Variants in CTXND1 observed in about 807,000 individuals in gnomAD.
CTXND1 encodes the protein cortexin domain containing 1.
chr15:80,245,371 A>G (rs1893617086), intron 1 of CTXND1, among the ~76,000 whole-genome samples: 1 of 152,140 alleles, frequency 6.6e-6, no homozygotes, highest in South Asian at 2.1e-4. Context: ...AATCACTAAC[A>G]ATCATTTATT....
chr15:80,230,075 G>C (rs1374114613), intron 1 of CTXND1, among the ~76,000 whole-genome samples: 2 of 152,190 alleles, frequency 1.3e-5, no homozygotes, highest in East Asian at 3.8e-4. Flanking sequence ...TAAGCTTGGT[G>C]AGTTATTTTC....
At chr15:80,207,035 C>T (rs930927500) in intron 1 of CTXND1, among the ~76,000 whole-genome samples, 7 of 152,208 alleles carry the variant, frequency 4.6e-5, no homozygotes, top group African/African-American at 1.7e-4. Flanking sequence ...CTCTGCCTGC[C>T]TTAAAGATTT....
At chr15:80,213,466 G>A (rs1219604897) in intron 1 of CTXND1, among the ~76,000 whole-genome samples, 2 of 152,144 alleles carry the variant, frequency 1.3e-5, no homozygotes, top group Middle Eastern at 3.2e-3. Context: ...GAGTTGTCTG[G>A]GTGGGCCCTA....
chr15:80,239,850 T>G (rs1258522495), intron 1 of CTXND1, among the ~76,000 whole-genome samples: 2 of 152,208 alleles, frequency 1.3e-5, no homozygotes, highest in Non-Finnish European at 2.9e-5. Context: ...GGTATTTTTA[T>G]CTTGTTTGAC....
intron 2 of CTXND1, among the ~76,000 whole-genome samples, chr15:80,202,701 G>C (rs769310103): frequency 6.6e-6 from 1 of 152,236 alleles, no homozygotes; most frequent in South Asian, 2.1e-4. Context: ...AGGGGCTGCT[G>C]TCATGGAAGA....
At chr15:80,243,250 A>G (rs1893590686) in intron 1 of CTXND1, among the ~76,000 whole-genome samples, 1 of 152,196 alleles carries the variant, frequency 6.6e-6, no homozygotes, top group African/African-American at 2.4e-5. Flanking sequence ...GGTGAACACA[A>G]AGTTACATTC....
At chr15:80,233,377 C>T in intron 1 of CTXND1, among the ~76,000 whole-genome samples, 1 of 152,178 alleles carries the variant, frequency 6.6e-6, no homozygotes, top group East Asian at 1.9e-4. Context: ...AGCACAGTAA[C>T]ATATTTACTC....
chr15:80,212,404 C>T (rs1216162172), intron 1 of CTXND1, among the ~76,000 whole-genome samples: 2 of 152,196 alleles, frequency 1.3e-5, no homozygotes, highest in Non-Finnish European at 2.9e-5. Context: ...CAACAGGAAA[C>T]ATAGTATGTT....
intron 1 of CTXND1, among the ~76,000 whole-genome samples, chr15:80,223,598 G>A (rs1199585521): frequency 6.6e-6 from 1 of 152,124 alleles, no homozygotes; most frequent in Non-Finnish European, 1.5e-5. Context: ...TTGCTGGACT[G>A]TATAGGTGTA....
At chr15:80,251,587 C>G (rs142722351) in intron 1 of CTXND1, among the ~76,000 whole-genome samples, 1 of 152,248 alleles carries the variant, frequency 6.6e-6, no homozygotes. Flanking sequence ...CCCCAAACCC[C>G]TCAATGGCAG....
At chr15:80,222,006 G>A (rs777714827) in intron 1 of CTXND1, among the ~76,000 whole-genome samples, 1 of 152,112 alleles carries the variant, frequency 6.6e-6, no homozygotes, top group Admixed American at 6.6e-5. Context: ...TTATATGTGT[G>A]TATACATAGT....
At chr15:80,247,817 T>C (rs1006808408) in intron 1 of CTXND1, among the ~76,000 whole-genome samples, 1 of 133,218 alleles carries the variant, frequency 7.5e-6, no homozygotes, top group Non-Finnish European at 1.6e-5. Flanking sequence ...AGAATGAATA[T>C]ATTAACATTT....
intron 1 of CTXND1, among the ~76,000 whole-genome samples, chr15:80,211,228 G>A (rs1893201212): frequency 6.6e-6 from 1 of 152,208 alleles, no homozygotes; most frequent in South Asian, 2.1e-4. Context: ...ATAGGAAGAT[G>A]AAGGGACTGA....
intron 1 of CTXND1, among the ~76,000 whole-genome samples, chr15:80,210,080 T>C (rs1893189539): frequency 1.3e-5 from 2 of 152,246 alleles, no homozygotes; most frequent in African/African-American, 4.8e-5. Context: ...GCATTTTGGC[T>C]ACATTTGAGG....
intron 1 of CTXND1, among the ~76,000 whole-genome samples, chr15:80,223,801 T>A (rs1450176392): frequency 8.6e-6 from 1 of 116,560 alleles, no homozygotes; most frequent in Non-Finnish European, 1.7e-5. Context: ...CCTTTTAATA[T>A]GCTTTTTGGC....
intron 1 of CTXND1, among the ~76,000 whole-genome samples, chr15:80,231,049 T>C (rs150246309): frequency 0.078 from 11,762 of 151,584 alleles, 541 homozygotes; most frequent in Middle Eastern, 0.13. Context: ...CAGAGCAAGA[T>C]TCCATCTCAA....
chr15:80,239,901 C>T (rs1023854000), intron 1 of CTXND1, among the ~76,000 whole-genome samples: 2 of 152,144 alleles, frequency 1.3e-5, no homozygotes, highest in African/African-American at 4.8e-5. Flanking sequence ...TGATCATTTG[C>T]TGTTATTTTC....
intron 1 of CTXND1, among the ~76,000 whole-genome samples, chr15:80,228,212 C>G (rs1489593518): frequency 6.6e-6 from 1 of 152,194 alleles, no homozygotes; most frequent in African/African-American, 2.4e-5. Flanking sequence ...GGTTACTTCC[C>G]CCACTGAGTC....
At chr15:80,246,162 TG>T (rs1162076384) in intron 1 of CTXND1, among the ~76,000 whole-genome samples, 1 of 152,252 alleles carries the variant, frequency 6.6e-6, no homozygotes, top group Non-Finnish European at 1.5e-5. Context: ...AAACATTTCT[TG>T]CTCTGAATTC....
Sources: allele counts gnomAD v4.1 joint callset (sites outside exome capture counted in the v4.1 genomes callset), GRCh38; gene constraint gnomAD v4.1.1; transcripts MANE v1.5; gene names NCBI Gene and HGNC (gene_info 2026-07-23, HGNC 2026-07-21).